BICRA: variants seen among roughly 807,000 people sequenced by gnomAD.
BICRA encodes BRD4-interacting chromatin-remodeling complex-associated protein.
BICRA carries 31 observed loss-of-function variants against 96.9 expected under a neutral mutation model. The ratio of observed to expected loss-of-function variants is 0.32; its 90% CI spans 0.24 to 0.43. BICRA has a LOEUF of 0.43. Ranked by LOEUF, BICRA falls within the 20% of genes least tolerant of loss-of-function variation. The pLI is 1.00. For synonymous variants in BICRA, 1,350 were observed against 1,071.8 expected (o/e 1.26, Z -5.07); for missense variants, 2,283 against 2,190.3 (o/e 1.04, Z -0.84).
At chr19:47,686,502 G>C (rs1973161495) in intron 7 of BICRA, among the ~76,000 whole-genome samples, 1 of 152,098 alleles carries the variant, frequency 6.6e-6, no homozygotes, top group African/African-American at 2.4e-5. Flanking sequence ...TCCTGCCTCA[G>C]CTTCCCAAGT....
chr19:47,678,470 C>T (rs776343497), intron 5 of BICRA, among the ~76,000 whole-genome samples: 61 of 152,032 alleles, frequency 4.0e-4, no homozygotes, highest in African/African-American at 1.5e-3. Context: ...AGCACCCCCG[C>T]GGGCTTGGGC....
intron 7 of BICRA, among the ~76,000 whole-genome samples, chr19:47,684,016 A>G (rs1440113879): frequency 2.0e-5 from 3 of 152,202 alleles, no homozygotes; most frequent in Non-Finnish European, 4.4e-5. Flanking sequence ...TCGAACGGCC[A>G]TGGTTTCACT....
chr19:47,659,115 A>G (rs766938432), intron 1 of BICRA, among the ~76,000 whole-genome samples: 4 of 152,234 alleles, frequency 2.6e-5, no homozygotes, highest in Non-Finnish European at 5.9e-5. Flanking sequence ...TCGAATGGTG[A>G]AAAGGGAAAA....
At position 47,702,169 on chromosome 19, in the gene BICRA, G is replaced by A. The variant is rs755222695; in HGVS notation, c.4437G>A (p.Ser1479=). The A allele has an allele frequency of 1.3e-5, 21 of 1,573,796 alleles. No individual in the cohort carries two copies. Among genetic ancestry groups the A allele is most frequent in the Admixed American group, 5.3e-5 (3 of 56,126 alleles). ...LPPAKRRKSE[S]PDVDQASFSS... ...CTGCCAAGCGGCGCAAGTCCGAGTC[G>A]CCCGACGTGGACCAGGCCAGCTTCT... Residue 1479 remains serine, a synonymous_variant, in exon 15 of 15, where the codon TCG becomes TCA. Coordinates refer to ENST00000594866, the MANE Select transcript of BICRA (RefSeq NM_001394372.1).
chr19:47,689,443 C>G (rs1973207505), intron 7 of BICRA, among the ~76,000 whole-genome samples: 1 of 151,970 alleles, frequency 6.6e-6, no homozygotes, highest in African/African-American at 2.4e-5. Flanking sequence ...CTGAGTCTCT[C>G]TCTGTCGCCC....
chr19:47,618,584 G>A (rs1357052388), intron 1 of BICRA, among the ~76,000 whole-genome samples: 3 of 151,990 alleles, frequency 2.0e-5, no homozygotes, highest in Non-Finnish European at 4.4e-5. Context: ...GCCCGGCCCC[G>A]CTACCTTCAT....
At chr19:47,628,500 C>A (rs1266138826) in intron 1 of BICRA, among the ~76,000 whole-genome samples, 1 of 152,178 alleles carries the variant, frequency 6.6e-6, no homozygotes, top group Non-Finnish European at 1.5e-5. Flanking sequence ...TTGGGGTTTG[C>A]CAATTTGCAG....
At chr19:47,648,014 G>C (rs1189768238) in intron 1 of BICRA, among the ~76,000 whole-genome samples, 5 of 152,114 alleles carry the variant, frequency 3.3e-5, no homozygotes, top group South Asian at 2.1e-4. Context: ...GGATTAACTT[G>C]CTCCTGGGTC....
At position 47,627,688 on chromosome 19, in the gene BICRA, G is replaced by T. The variant is rs1285442817; in HGVS notation, c.-108+18520G>T. On this transcript the variant is annotated intron_variant, in intron 1 of 14. Transcript: ENST00000594866. ...GAAAAGGATGGCTTTAGAGATTTTT[G>T]GAGGTTGGAATTGCAGATTAGGGGG... Among the ~76,000 whole-genome samples, 26 of 152,196 alleles carry T rather than the reference G, an allele frequency of 1.7e-4. 1 individual carries two copies. The highest frequency in any genetic ancestry group is 1.7e-3 in the Admixed American group (26 of 15,280).
chr19:47,626,947 C>G (rs941082139), intron 1 of BICRA, among the ~76,000 whole-genome samples: 1 of 152,056 alleles, frequency 6.6e-6, no homozygotes, highest in African/African-American at 2.4e-5. Context: ...GTCTTGAACT[C>G]CTGTCCTCAA....
At chr19:47,612,516 C>T (rs1340990196) in intron 1 of BICRA, among the ~76,000 whole-genome samples, 2 of 152,036 alleles carry the variant, frequency 1.3e-5, no homozygotes, top group African/African-American at 4.8e-5. Flanking sequence ...TGCAAACGAA[C>T]AATTCCCCTT....
intron 1 of BICRA, among the ~76,000 whole-genome samples, chr19:47,627,099 C>T (rs117313561): frequency 0.016 from 2,493 of 152,274 alleles, 29 homozygotes; most frequent in Non-Finnish European, 0.025. Context: ...AGCTCCTTTC[C>T]TCTTGCCCCA....
intron 1 of BICRA, among the ~76,000 whole-genome samples, chr19:47,634,756 ATTTTTTTTTTT>A (rs57492096): frequency 8.3e-5 from 10 of 120,296 alleles, no homozygotes; most frequent in African/African-American, 3.0e-4. Flanking sequence ...TTAAAATTAA[ATTTTTTTTTTT>A]TTTTTTTTTT....
intron 5 of BICRA, among the ~76,000 whole-genome samples, chr19:47,677,197 CA>C (rs755981001): frequency 6.6e-6 from 1 of 152,172 alleles, no homozygotes; most frequent in African/African-American, 2.4e-5. Context: ...GAGCACCTGC[CA>C]GGGGCCGGGT....
In BICRA at chr19:47,701,401, C is replaced by T; in HGVS notation, c.3669C>T (p.Gly1223=). The T allele has an allele frequency of 1.9e-6, 3 of 1,602,954 alleles. No individual in the cohort carries two copies. Among genetic ancestry groups the T allele is most frequent in the Non-Finnish European group, 2.6e-6 (3 of 1,175,680 alleles). The stretch of plus-strand genomic sequence containing the variant: ...CTTCCGAGGGTCATCGGCTTCCCGG[C>T]CACGGCCCCCTGTCGTCTTCAGCTC... ...AASSEGHRLP[G]HGPLSSSAPG... The change falls in exon 15 of 15, where the codon GGC becomes GGT. Residue 1223 remains glycine, a synonymous_variant. Transcript: ENST00000594866. This position sits in a 1 kb window ranked among gnomAD's most constrained non-coding sequence, Gnocchi z 5.4.
At chr19:47,616,834 ATT>A (rs1017061730) in intron 1 of BICRA, among the ~76,000 whole-genome samples, 1 of 146,612 alleles carries the variant, frequency 6.8e-6, no homozygotes. Flanking sequence ...ATTTTTATTA[ATT>A]TTTTTTTTTT....
At chr19:47,631,509 T>C (rs1268802480) in intron 1 of BICRA, among the ~76,000 whole-genome samples, 2 of 152,078 alleles carry the variant, frequency 1.3e-5, no homozygotes, top group Non-Finnish European at 2.9e-5. Flanking sequence ...ATTATAGGCA[T>C]GAGCCACCAC....
At chr19:47,648,116 CTCTCTCTG>C (rs1451994251) in intron 1 of BICRA, among the ~76,000 whole-genome samples, 5 of 151,958 alleles carry the variant, frequency 3.3e-5, no homozygotes, top group Admixed American at 1.3e-4. Flanking sequence ...CTCCCCGTCC[CTCTCTCTG>C]TCTCTCTGAA....
At chr19:47,624,013 G>A (rs748074275) in intron 1 of BICRA, among the ~76,000 whole-genome samples, 4 of 151,926 alleles carry the variant, frequency 2.6e-5, no homozygotes, top group African/African-American at 9.7e-5. Flanking sequence ...CACCGCGCCC[G>A]GCTAATTTTG....
Sources: gnomAD v4.1 joint callset for allele counts (sites outside exome capture counted in the v4.1 genomes callset) on GRCh38, gnomAD v4.1.1 for gene constraint, Gnocchi (gnomAD v3.1) non-coding constraint, MANE v1.5 for transcripts, NCBI Gene and HGNC (gene_info 2026-07-23, HGNC 2026-07-21) for gene names.